EXTL1: variants seen among roughly 807,000 people sequenced by gnomAD.
EXTL1 encodes the protein exostosin like glycosyltransferase 1, also known as exostosin-like 1.
Under a neutral mutation model 64.6 loss-of-function variants are expected in EXTL1, and 43 were observed. The ratio of observed to expected loss-of-function variants is 0.67; its 90% CI spans 0.52 to 0.86. The LOEUF (loss-of-function observed/expected upper bound fraction) is 0.86, where lower values mean the gene tolerates loss of function less well. Ranked by LOEUF, EXTL1 falls within the 40% of genes least tolerant of loss-of-function variation. EXTL1 has a pLI of 0.00. For synonymous variants in EXTL1, 352 were observed against 360.5 expected (o/e 0.98, Z 0.27); for missense variants, 766 against 879.0 (o/e 0.87, Z 1.62).
intron 6 of EXTL1, 69 bp from the exon 7 acceptor site, chr1:26,032,327 A>G: frequency 1.0e-6 from 1 of 998,366 alleles, no homozygotes; most frequent in Non-Finnish European, 1.5e-6. Flanking sequence ...GAGAAAGATC[A>G]CTCCTGCCCC....
rs2050170776 is a variant in EXTL1 at position 26,023,042 on chromosome 1, C to T, written c.396C>T (p.Cys132=). The change falls in exon 1 of 11, where the codon TGC becomes TGT. Residue 132 remains cysteine, a synonymous_variant. Transcript: ENST00000374280. The stretch of plus-strand genomic sequence containing the variant: ...ACACATTCAGCCCTGCTGGGGCCTG[C>T]CTCCTCCTCCTCCTCAGCCTGGACG... ...RFYTFSPAGA[C]LLLLLSLDAQ... 2 of 1,594,680 alleles carry T rather than the reference C, an allele frequency of 1.3e-6. No homozygotes were observed. Among genetic ancestry groups the T allele is most frequent in the East Asian group, 4.5e-5 (2 of 44,366 alleles).
intron 1 of EXTL1, among the ~76,000 whole-genome samples, chr1:26,027,238 G>A (rs1368537508): frequency 6.6e-6 from 1 of 152,198 alleles, no homozygotes; most frequent in African/African-American, 2.4e-5. Flanking sequence ...TTGTTAAGCA[G>A]AGAGAGGCTG....
rs1294642318 is a variant in EXTL1, at chr1:26,034,031, T to C, written c.1679+175T>C. Among the ~76,000 whole-genome samples the C allele has an allele frequency of 6.6e-6, 1 of 152,206 alleles. No individual in the cohort carries two copies. The highest frequency in any genetic ancestry group is 1.5e-5 in the Non-Finnish European group (1 of 68,034). On this transcript the variant is annotated intron_variant, in intron 9 of 10. Transcript: ENST00000374280. The surrounding 1 kb of genome is among the most constrained non-coding windows in gnomAD (Gnocchi z 4.6). ...CTCCTCACTTCTCTAGAGTTTGTTTTCTCATCTGTAAAATGGGATGGATTC... is the reference window on the plus strand; with the variant it reads ...CTCCTCACTTCTCTAGAGTTTGTTTCCTCATCTGTAAAATGGGATGGATTC...
intron 3 of EXTL1, 118 bp downstream of exon 3, chr1:26,029,825 T>A (rs1233001369): frequency 1.4e-5 from 9 of 657,468 alleles, no homozygotes; most frequent in Non-Finnish European, 2.5e-5. Context: ...TGGATACTGG[T>A]GAATTTCTCC....
chr1:26,030,414 C>T (rs1374921184), intron 3 of EXTL1, 62 bp from the exon 4 acceptor site: 6 of 1,534,388 alleles, frequency 3.9e-6, no homozygotes, highest in African/African-American at 1.4e-5. Flanking sequence ...CTCACTGCAG[C>T]GTCGACCTCC....
intron 1 of EXTL1, among the ~76,000 whole-genome samples, chr1:26,027,006 C>T (rs750527756): frequency 1.3e-5 from 2 of 152,244 alleles, no homozygotes; most frequent in African/African-American, 4.8e-5. Flanking sequence ...CCAGCTCCAT[C>T]ACTAGAATTT....
In EXTL1 at chr1:26,031,528, C is replaced by T. The variant is rs756092818; in HGVS notation, c.1303C>T (p.Leu435Phe). Residue 435 changes from leucine (L) to phenylalanine (F), a missense_variant, in exon 6 of 11, where the codon CTC (leucine) becomes TTC (phenylalanine). Leu to Phe is a conservative substitution (Grantham distance 22). This residue lies in a region of EXTL1 where 571 missense variants were observed against 647.6 expected (regional missense o/e 0.88). Coordinates refer to ENST00000374280, the MANE Select transcript of EXTL1 (RefSeq NM_004455.3). Reference protein sequence around the residue: ...VGPPGQPPLKLIQAVAGSQHC... With the variant: ...VGPPGQPPLKFIQAVAGSQHC... ...GCCCCCAGGCCAGCCCCCTCTGAAG[C>T]TCATCCAGGCGGTGGCAGGCTCCCA... is the stretch of plus-strand genomic sequence containing the variant. 6.2e-7 allele frequency: 1 copy of T among 1,601,912 alleles called. No homozygotes were observed. The highest frequency in any genetic ancestry group is 1.1e-5 in the South Asian group (1 of 88,730).
At chr1:26,029,519 C>A in intron 2 of EXTL1, 81 bp from the exon 3 acceptor site, 1 of 835,368 alleles carries the variant, frequency 1.2e-6, no homozygotes, top group South Asian at 1.5e-5. Context: ...CCAACAGCAG[C>A]AGCTACTGAC....
In EXTL1 at chr1:26,035,406, G is replaced by T; in HGVS notation, c.*59G>T. On this transcript the variant is annotated 3_prime_UTR_variant, in exon 11 of 11. Coordinates refer to ENST00000374280, the MANE Select transcript of EXTL1 (RefSeq NM_004455.3). The surrounding 1 kb of genome is among the most constrained non-coding windows in gnomAD (Gnocchi z 5.3). ...CAGCCCAGCTCCCAGGGGGCCCGGC[G>T]CCTGCCGGCGGGCTCCGCTCTTGGG... 1.4e-6 allele frequency: 2 copies of T among 1,481,180 alleles called. No homozygotes were observed. The highest frequency in any genetic ancestry group is 2.5e-5 in the South Asian group (2 of 78,796). The allele number at this position is 1,481,180 out of a possible 1,614,324, so 91.8% of individuals were successfully genotyped here.
chr1:26,030,825 C>T (rs1402643251), intron 4 of EXTL1, among the ~76,000 whole-genome samples: 1 of 152,230 alleles, frequency 6.6e-6, no homozygotes, highest in Non-Finnish European at 1.5e-5. Flanking sequence ...GATGTCAAAG[C>T]ATGCACCAAT....
rs1207352873 is a variant in EXTL1, at chr1:26,031,253, A to G, written c.1223A>G (p.Tyr408Cys). ...STSPQDFPFY[Y>C]LQQGSRPEGR... ...AGCCCCCAGGACTTCCCCTTCTACTACCTGCAACAGGGTATGCCCTGGGGA... is the reference window on the plus strand; with the variant it reads ...AGCCCCCAGGACTTCCCCTTCTACTGCCTGCAACAGGGTATGCCCTGGGGA... Residue 408 changes from tyrosine to cysteine, a missense_variant, in exon 5 of 11, where the codon TAC becomes TGC. Physicochemically the swap from Tyr to Cys is radical, Grantham distance 194. Coordinates refer to ENST00000374280, the MANE Select transcript of EXTL1 (RefSeq NM_004455.3). 6.2e-6 allele frequency: 10 copies of G among 1,613,238 alleles called. No individual in the cohort carries two copies. The Middle Eastern group carries it at 4.9e-4, about 80-fold the overall frequency.
At position 26,023,067 on chromosome 1, in the gene EXTL1, G is replaced by T. The variant is rs760183567; in HGVS notation, c.421G>T (p.Ala141Ser). The change falls in exon 1 of 11, where the codon GCC (alanine) becomes TCC (serine). Residue 141 changes from alanine (A) to serine (S), a missense_variant. By Grantham distance (99) the Ala-to-Ser change is moderately conservative. Coordinates refer to ENST00000374280, the MANE Select transcript of EXTL1 (RefSeq NM_004455.3). ...ACLLLLLSLD[A>S]QTGECSSMPL... ...CCTCCTCCTCCTCCTCAGCCTGGAC[G>T]CCCAGACTGGAGAGTGCAGCTCAAT... 1 of 1,613,658 alleles carries T rather than the reference G, an allele frequency of 6.2e-7. No homozygotes were observed.
Position 26,028,224 on chromosome 1 carries a change from C to A in EXTL1, c.780-969C>A, listed in dbSNP as rs139420564. Among the ~76,000 whole-genome samples the A allele has an allele frequency of 3.9e-4, 59 of 152,302 alleles. No homozygotes were observed. The East Asian group carries it at 0.011, about 28-fold the overall frequency. ...CAGATAACTCAGGGTCAGGAGCTGG[C>A]AAATCTCTGCTCTAGTCCCAGCTCC... On this transcript the variant is annotated intron_variant, in intron 1 of 10. Transcript: ENST00000374280.
At chr1:26,030,334 T>C in intron 3 of EXTL1, 142 bp from the exon 4 acceptor site, 5 of 488,630 alleles carry the variant, frequency 1.0e-5, no homozygotes, top group Middle Eastern at 6.9e-4. Context: ...ATGCTTCTTT[T>C]TTTTTTTTTT....
At chr1:26,028,970 G>A (rs1179045683) in intron 1 of EXTL1, among the ~76,000 whole-genome samples, 1 of 152,180 alleles carries the variant, frequency 6.6e-6, no homozygotes, top group Non-Finnish European at 1.5e-5. Flanking sequence ...TAGAATGCAG[G>A]GCTCCTGCCT....
chr1:26,035,217 G>C lies in EXTL1; in HGVS notation c.1901G>C (p.Cys634Ser), dbSNP rs2050326315. The C allele has an allele frequency of 6.2e-7, 1 of 1,613,262 alleles. No homozygotes were observed. Among genetic ancestry groups the C allele is most frequent in the South Asian group, 1.1e-5 (1 of 91,088 alleles). Residue 634 changes from cysteine (C) to serine (S), a missense_variant, in exon 11 of 11, where the codon TGC (cysteine) becomes TCC (serine). Physicochemically the swap from Cys to Ser is moderately radical, Grantham distance 112. Coordinates refer to ENST00000374280, the MANE Select transcript of EXTL1 (RefSeq NM_004455.3). This position sits in a 1 kb window ranked among gnomAD's most constrained non-coding sequence, Gnocchi z 5.3. The stretch of plus-strand genomic sequence containing the variant: ...AAGCCGCCTGCCCCAGCCCCCGACT[G>C]CATCAACCAGATAGCGGCAGCGTTC... The part of the protein sequence containing the change: ...RPKPPAPAPD[C>S]INQIAAAFGH...
intron 1 of EXTL1, 44 bp downstream of exon 1, chr1:26,023,469 G>C: frequency 7.1e-7 from 1 of 1,418,188 alleles, no homozygotes; most frequent in Non-Finnish European, 9.2e-7. Context: ...GAGGGGGCTG[G>C]AATAGACGCA....
At chr1:26,030,687 ACCC>A in intron 4 of EXTL1, 92 bp downstream of exon 4, 1 of 1,183,726 alleles carries the variant, frequency 8.4e-7, no homozygotes, top group Non-Finnish European at 1.1e-6. Flanking sequence ...TGTTTGGGGA[ACCC>A]CCCCCCCTTC....
In EXTL1 at chr1:26,033,704, T is replaced by C; in HGVS notation, c.1527T>C (p.Phe509=). 1.2e-6 allele frequency: 2 copies of C among 1,614,020 alleles called. No homozygotes were observed. Among genetic ancestry groups the C allele is most frequent in the Non-Finnish European group, 1.7e-6 (2 of 1,179,938 alleles). The part of the protein sequence containing the change: ...RSSLSTSEVD[F]AFLVWQSFPE... ...CTTGAGTCCCTCCCCAGGTGGACTT[T>C]GCCTTTCTGGTGTGGCAGAGCTTCC... The change falls in exon 9 of 11, where the codon TTT becomes TTC. Residue 509 remains phenylalanine, a synonymous_variant. Coordinates refer to ENST00000374280, the MANE Select transcript of EXTL1 (RefSeq NM_004455.3). The surrounding 1 kb of genome is among the most constrained non-coding windows in gnomAD (Gnocchi z 5.1).
Sources: allele counts gnomAD v4.1 joint callset (sites outside exome capture counted in the v4.1 genomes callset), GRCh38; gene constraint gnomAD v4.1.1; regional missense constraint gnomAD v4.1.1; non-coding constraint Gnocchi (gnomAD v3.1); transcripts MANE v1.5; gene names NCBI Gene and HGNC (gene_info 2026-07-23, HGNC 2026-07-21).